NRXN3: variants seen among roughly 807,000 people sequenced by gnomAD.
The protein encoded by NRXN3 is neurexin 3.
Under a neutral mutation model 137.6 loss-of-function variants are expected in NRXN3, and 32 were observed. That is an observed-to-expected ratio of 0.23 (90% CI 0.18 to 0.31). The LOEUF (loss-of-function observed/expected upper bound fraction) is 0.31. NRXN3 is among the 10% of genes least tolerant of loss of function. The pLI is 1.00. For missense variants in NRXN3, 1,574 were observed against 2,062.5 expected (o/e 0.76, Z 4.59); for synonymous variants, 798 against 784.5 (o/e 1.02, Z -0.29).
intron 10 of NRXN3, among the ~76,000 whole-genome samples, chr14:78,832,516 C>T (rs907326342): frequency 3.3e-5 from 5 of 151,974 alleles, no homozygotes; most frequent in Non-Finnish European, 5.9e-5. Context: ...CTCTTGCTGT[C>T]GGCTTTGGAC....
chr14:78,947,614 T>C (rs545068344), intron 10 of NRXN3, among the ~76,000 whole-genome samples: 49 of 152,178 alleles, frequency 3.2e-4, no homozygotes, highest in African/African-American at 1.2e-3. Flanking sequence ...CAAATTAGAG[T>C]TCCCAAAAGT....
chr14:78,868,659 A>G (rs979009009), intron 10 of NRXN3, among the ~76,000 whole-genome samples: 4 of 152,008 alleles, frequency 2.6e-5, no homozygotes, highest in African/African-American at 7.2e-5. Flanking sequence ...ATCTCTACTA[A>G]AAATACAAAA....
At chr14:79,496,237 T>TCA (rs1285525964) in intron 16 of NRXN3, among the ~76,000 whole-genome samples, 112 of 144,982 alleles carry the variant, frequency 7.7e-4, no homozygotes, top group East Asian at 7.3e-3. Flanking sequence ...TCTCTCTCTC[T>TCA]CACACACACA....
chr14:79,569,628 T>TGAGAGA (rs1214410521), intron 16 of NRXN3, among the ~76,000 whole-genome samples: 1 of 146,992 alleles, frequency 6.8e-6, no homozygotes, highest in African/African-American at 2.5e-5. Flanking sequence ...TGTGTGTGTG[T>TGAGAGA]GTGAGAGAGA....
intron 15 of NRXN3, among the ~76,000 whole-genome samples, chr14:79,140,986 T>C (rs1376257035): frequency 2.0e-5 from 3 of 152,158 alleles, no homozygotes; most frequent in African/African-American, 7.2e-5. Context: ...TATATTTAGG[T>C]ACATATTTTA....
intron 4 of NRXN3, among the ~76,000 whole-genome samples, chr14:78,329,198 G>C (rs906755992): frequency 6.6e-6 from 1 of 152,118 alleles, no homozygotes; most frequent in Non-Finnish European, 1.5e-5. Flanking sequence ...GACTCACTTT[G>C]CTCTAAATTC....
chr14:78,502,988 A>G (rs780260516), intron 4 of NRXN3, among the ~76,000 whole-genome samples: 5 of 152,198 alleles, frequency 3.3e-5, no homozygotes, highest in Admixed American at 2.0e-4. Flanking sequence ...GATGATATCT[A>G]AGGATAAATT....
At chr14:78,963,289 T>G (rs904036690) in intron 11 of NRXN3, among the ~76,000 whole-genome samples, 1 of 152,234 alleles carries the variant, frequency 6.6e-6, no homozygotes, top group Admixed American at 6.5e-5. Flanking sequence ...AAATTGTTTC[T>G]TCAGATTCCT....
At chr14:78,724,225 T>C (rs1357636255) in intron 8 of NRXN3, among the ~76,000 whole-genome samples, 3 of 152,252 alleles carry the variant, frequency 2.0e-5, no homozygotes, top group Non-Finnish European at 4.4e-5. Flanking sequence ...ATTACGTATG[T>C]GTCTGTGCCT....
At chr14:78,351,965 T>C (rs1480024842) in intron 4 of NRXN3, among the ~76,000 whole-genome samples, 1 of 152,020 alleles carries the variant, frequency 6.6e-6, no homozygotes, top group Non-Finnish European at 1.5e-5. Flanking sequence ...CGAGCACCTG[T>C]AGTCCTAGCT....
rs144414477 is a variant in NRXN3, at chr14:78,864,034, G to T, written c.2275+53690G>T. On this transcript the variant is annotated intron_variant, in intron 10 of 20. Transcript: ENST00000335750. ...TGAAATTGGTAAAATAAATAAAATT[G>T]AGATCACTTCTTACTGTACATCTCC... is the stretch of plus-strand genomic sequence containing the variant. 7.8e-4 allele frequency among the ~76,000 whole-genome samples: 118 copies of T among 152,232 alleles called. 1 individual carries two copies. Among genetic ancestry groups the T allele is most frequent in the African/African-American group, 2.8e-3 (117 of 41,560 alleles).
At chr14:79,105,047 C>A (rs773374277) in intron 15 of NRXN3, among the ~76,000 whole-genome samples, 1 of 152,040 alleles carries the variant, frequency 6.6e-6, no homozygotes, top group Admixed American at 6.6e-5. Flanking sequence ...CAGTTTATTT[C>A]TTGCTTAAGT....
At position 79,340,189 on chromosome 14, in the gene NRXN3, GTA is replaced by G. The variant is rs374452455; in HGVS notation, c.3263-127030_3263-127029del. Among the ~76,000 whole-genome samples, 130 of 134,336 alleles carry G rather than the reference GTA, an allele frequency of 9.7e-4. 3 individuals are homozygous for G. Among genetic ancestry groups the G allele is most frequent in the South Asian group, 1.4e-3 (6 of 4,216 alleles). The allele number at this position is 134,336 out of a possible 152,430, so 88.1% of individuals were successfully genotyped here. A position where few individuals can be genotyped will look rare whatever the true frequency, so the allele number is the denominator to read the frequency against. On this transcript the variant is annotated intron_variant, in intron 15 of 20. Transcript: ENST00000335750. ...TGTGTGTGTGTGTGTGTGTGTGTGT[GTA>G]TGTGTGTGAGAGAGAGAGAGAAAGA...
intron 8 of NRXN3, among the ~76,000 whole-genome samples, chr14:78,782,399 C>T (rs944387849): frequency 4.6e-5 from 7 of 151,940 alleles, no homozygotes; most frequent in Non-Finnish European, 1.0e-4. Flanking sequence ...CTCTGGGAGG[C>T]GGGGTACATC....
Position 79,637,833 on chromosome 14 carries a change from G to A in NRXN3, c.3445-25945G>A, listed in dbSNP as rs561268542. On this transcript the variant is annotated intron_variant, in intron 16 of 20. Coordinates refer to ENST00000335750, the MANE Select transcript of NRXN3 (RefSeq NM_001330195.2). ...CAACCTCCACCTCCTGGGTTCAAGC[G>A]ATTCTCCTGCCTCAGCCTCTTGAGT... Among the ~76,000 whole-genome samples, 55 of 146,490 alleles carry A rather than the reference G, an allele frequency of 3.8e-4. 1 individual carries two copies. Among genetic ancestry groups the A allele is most frequent in the African/African-American group, 1.4e-3 (52 of 38,158 alleles).
At chr14:78,203,442 T>C (rs979150699) in intron 1 of NRXN3, among the ~76,000 whole-genome samples, 2 of 152,178 alleles carry the variant, frequency 1.3e-5, no homozygotes, top group African/African-American at 4.8e-5. Context: ...TTGATCCTAG[T>C]CTTTTTCAGC....
chr14:79,786,900 G>A (rs558020739), intron 19 of NRXN3, among the ~76,000 whole-genome samples: 1 of 152,146 alleles, frequency 6.6e-6, no homozygotes, highest in African/African-American at 2.4e-5. Flanking sequence ...TTTACATAAA[G>A]AATTCCACTT....
intron 15 of NRXN3, among the ~76,000 whole-genome samples, chr14:79,329,626 G>T (rs892729028): frequency 6.6e-6 from 1 of 152,170 alleles, no homozygotes; most frequent in Non-Finnish European, 1.5e-5. Context: ...GCCAGAATCT[G>T]GTCTGTGGGC....
intron 4 of NRXN3, among the ~76,000 whole-genome samples, chr14:78,465,418 T>A (rs1227595946): frequency 6.6e-6 from 1 of 152,150 alleles, no homozygotes; most frequent in Non-Finnish European, 1.5e-5. Flanking sequence ...AATAAGAAAC[T>A]GGATATGAAA....
Sources: gnomAD v4.1 joint callset for allele counts (sites outside exome capture counted in the v4.1 genomes callset) on GRCh38, gnomAD v4.1.1 for gene constraint, MANE v1.5 for transcripts, NCBI Gene and HGNC (gene_info 2026-07-23, HGNC 2026-07-21) for gene names.